TMED7: variants seen among roughly 807,000 people sequenced by gnomAD.
TMED7 encodes the protein transmembrane emp24 domain-containing protein 7.
TMED7 carries 8 observed loss-of-function variants against 23.4 expected under a neutral mutation model. The ratio of observed to expected loss-of-function variants is 0.34; its 90% CI spans 0.20 to 0.62. The LOEUF (loss-of-function observed/expected upper bound fraction) is 0.62. Among genes scored for constraint, TMED7 ranks in the 20% least tolerant of loss-of-function variants. The pLI is 0.77. For missense variants in TMED7, 232 were observed against 279.1 expected, an observed-to-expected ratio of 0.83 and a Z score of 1.20; for synonymous variants, 121 against 108.5, an observed-to-expected ratio of 1.12 and a Z score of -0.72.
At position 115,625,982 on chromosome 5, in the gene TMED7, C is replaced by A; in HGVS notation, c.-190G>T. The A allele has an allele frequency of 1.4e-6, 1 of 730,008 alleles. No homozygotes were observed. The highest frequency in any genetic ancestry group is 1.9e-6 in the Non-Finnish European group (1 of 523,672). The allele number at this position is 730,008 out of a possible 1,614,324, so 45.2% of individuals were successfully genotyped here. A position where few individuals can be genotyped will look rare whatever the true frequency, so the allele number is the denominator to read the frequency against. On this transcript the variant is annotated 5_prime_UTR_variant, in exon 1 of 3. Transcript: ENST00000456936. The stretch of plus-strand genomic sequence containing the variant: ...CCTGTGAGGGGCGCAGACGGGCGGA[C>A]CTGGGGAGGTAAAAGAGAAGCGGAA...
rs770987245 is a variant in TMED7 at position 115,616,272 on chromosome 5, C to T, written c.612G>A (p.Gln204=). ...ALILLVVSIG[Q]VFLLKSFFSD... is the part of the protein sequence containing the mutation. ...AGAAAAAGCTTTTCAAAAGAAATAC[C>T]TGCCCTATGCTAACCACCAGAAGAA... Residue 204 remains glutamine (Q), a synonymous_variant, in exon 3 of 3, where the codon CAG becomes CAA. Coordinates refer to ENST00000456936, the MANE Select transcript of TMED7 (RefSeq NM_181836.6). 9.9e-6 allele frequency: 16 copies of T among 1,613,954 alleles called. No homozygotes were observed. The African/African-American group carries it at 2.0e-4, about 20-fold the overall frequency.
At chr5:115,616,478 ATACT>A in intron 2 of TMED7, 33 bp from the exon 3 acceptor site, 2 of 1,613,454 alleles carry the variant, frequency 1.2e-6, no homozygotes, top group Non-Finnish European at 1.7e-6. Context: ...AGTATGTGTG[ATACT>A]TTCTGTAGAC....
rs1233034517 is a variant in TMED7, at chr5:115,615,279, T to G, written c.*930A>C. On this transcript the variant is annotated 3_prime_UTR_variant, in exon 3 of 3. Transcript: ENST00000456936. Reference sequence around the variant, plus strand: ...GCATCACATCCATGAGGATAAAATGTATGGCACTTATGTGTGAGACTAATA... The same window carrying G: ...GCATCACATCCATGAGGATAAAATGGATGGCACTTATGTGTGAGACTAATA... 6.6e-6 allele frequency: 1 copy of G among 152,570 alleles called. No individual in the cohort carries two copies. The highest frequency in any genetic ancestry group is 2.1e-4 in the South Asian group (1 of 4,838). 9.5% of individuals were successfully genotyped at this position (152,570 alleles called of 1,614,324 possible).
chr5:115,624,275 T>C (rs933169523), intron 1 of TMED7, among the ~76,000 whole-genome samples: 1 of 152,182 alleles, frequency 6.6e-6, no homozygotes, highest in African/African-American at 2.4e-5. Context: ...CTAAGGGTCA[T>C]CCTTGGCCTC....
chr5:115,623,416 A>G (rs1459697164), intron 1 of TMED7, among the ~76,000 whole-genome samples: 1 of 152,218 alleles, frequency 6.6e-6, no homozygotes, highest in African/African-American at 2.4e-5. Context: ...CAAATCATCA[A>G]TCTCATTGTT....
intron 2 of TMED7, among the ~76,000 whole-genome samples, chr5:115,618,435 A>G (rs1756879736): frequency 6.6e-6 from 1 of 152,234 alleles, no homozygotes; most frequent in Non-Finnish European, 1.5e-5. Context: ...GAATCCAAGT[A>G]AGGTTAACAC....
chr5:115,615,380 A>C lies in TMED7; in HGVS notation c.*829T>G, dbSNP rs189374525. 4.6e-5 allele frequency: 7 copies of C among 152,732 alleles called. No homozygotes were observed. Among genetic ancestry groups the C allele is most frequent in the Admixed American group, 4.6e-4 (7 of 15,298 alleles). 9.5% of individuals were successfully genotyped at this position (152,732 alleles called of 1,614,324 possible). On this transcript the variant is annotated 3_prime_UTR_variant, in exon 3 of 3. Coordinates refer to ENST00000456936, the MANE Select transcript of TMED7 (RefSeq NM_181836.6). ...ATAAGGGCAAGAGCTAGCCAATTAA[A>C]ATTTTAAAATTAAACATATCACCTT...
chr5:115,620,812 G>T, intron 1 of TMED7, 132 bp from the exon 2 acceptor site: 1 of 1,130,056 alleles, frequency 8.8e-7, no homozygotes, highest in Non-Finnish European at 1.1e-6. Flanking sequence ...ATTTTCACCA[G>T]TGGATGGAAC....
intron 1 of TMED7, among the ~76,000 whole-genome samples, chr5:115,624,160 T>C (rs1757125764): frequency 1.3e-5 from 2 of 152,150 alleles, no homozygotes; most frequent in South Asian, 2.1e-4. Context: ...ATCCAGGAAA[T>C]GTTTATTAAA....
intron 1 of TMED7, among the ~76,000 whole-genome samples, chr5:115,625,160 G>A (rs1369507192): frequency 5.9e-5 from 9 of 152,184 alleles, no homozygotes; most frequent in Non-Finnish European, 7.4e-5. Context: ...CTCTTCCAAT[G>A]ACAAGGACCG....
chr5:115,616,576 T>C (rs1210567216), intron 2 of TMED7, 131 bp from the exon 3 acceptor site: 4 of 1,342,908 alleles, frequency 3.0e-6, no homozygotes, highest in East Asian at 2.4e-5. Context: ...CATTCATTCA[T>C]ACATTTATGC....
In TMED7 at chr5:115,620,599, G is replaced by C. The variant is rs767776686; in HGVS notation, c.274C>G (p.Gln92Glu). ...GKVLYKEMKK[Q>E]YDSFTFTASK... ...GCTGTGAAGGTAAAACTATCATACT[G>C]TTTCTTCATCTCTTTGTATAACACT... Residue 92 changes from glutamine to glutamate, a missense_variant, in exon 2 of 3, where the codon CAG (glutamine) becomes GAG (glutamate). Gln to Glu is a conservative substitution (Grantham distance 29, BLOSUM62 2). Transcript: ENST00000456936. 1 of 1,602,156 alleles carries C rather than the reference G, an allele frequency of 6.2e-7. No individual in the cohort carries two copies.
chr5:115,613,997 T>A lies in TMED7; in HGVS notation c.*2212A>T, dbSNP rs1329776059. ...TATTCTGAGCCATTATGTTCAAACATAAATATCTGGGAAATTCAAACTGCT... is the reference window on the plus strand; with the variant it reads ...TATTCTGAGCCATTATGTTCAAACAAAAATATCTGGGAAATTCAAACTGCT... On this transcript the variant is annotated 3_prime_UTR_variant, in exon 3 of 3. Coordinates refer to ENST00000456936, the MANE Select transcript of TMED7 (RefSeq NM_181836.6). 6.6e-6 allele frequency: 1 copy of A among 152,498 alleles called. No individual in the cohort carries two copies. Among genetic ancestry groups the A allele is most frequent in the Non-Finnish European group, 1.5e-5 (1 of 67,946 alleles). The allele number at this position is 152,498 out of a possible 1,614,324, so 9.4% of individuals were successfully genotyped here.
In TMED7 at chr5:115,625,954, C is replaced by A. The variant is rs755465288; in HGVS notation, c.-162G>T. 1 of 1,061,070 alleles carries A rather than the reference C, an allele frequency of 9.4e-7. No homozygotes were observed. The highest frequency in any genetic ancestry group is 1.2e-6 in the Non-Finnish European group (1 of 822,776). 65.7% of individuals were successfully genotyped at this position (1,061,070 alleles called of 1,614,324 possible). On this transcript the variant is annotated 5_prime_UTR_variant, in exon 1 of 3. Coordinates refer to ENST00000456936, the MANE Select transcript of TMED7 (RefSeq NM_181836.6). ...ATTCGGGATCAGAGCGACCCTCCGG[C>A]TTCCTGTGAGGGGCGCAGACGGGCG...
At chr5:115,624,352 C>T (rs866083709) in intron 1 of TMED7, among the ~76,000 whole-genome samples, 1 of 152,066 alleles carries the variant, frequency 6.6e-6, no homozygotes, top group Non-Finnish European at 1.5e-5. Flanking sequence ...ACCTTCTCTC[C>T]AATCCTTTCA....
At position 115,625,907 on chromosome 5, in the gene TMED7, A is replaced by G. The variant is rs1267720475; in HGVS notation, c.-115T>C. The G allele has an allele frequency of 7.8e-7, 1 of 1,281,220 alleles. No individual in the cohort carries two copies. 79.4% of individuals were successfully genotyped at this position (1,281,220 alleles called of 1,614,324 possible). On this transcript the variant is annotated 5_prime_UTR_variant, in exon 1 of 3. Transcript: ENST00000456936. ...GCCACCCCGCAAAGATACACAGCAG[A>G]GCAGGTTCACGCCTGTGGGAGATTC...
At position 115,624,440 on chromosome 5, in the gene TMED7, A is replaced by C. The variant is rs539714389; in HGVS notation, c.192+1161T>G. On this transcript the variant is annotated intron_variant, in intron 1 of 2. Coordinates refer to ENST00000456936, the MANE Select transcript of TMED7 (RefSeq NM_181836.6). ...GTCTAGACCACCATAATAACCTCCT[A>C]ATCAGCCTTCCACATCCGCTCTGCA... Among the ~76,000 whole-genome samples, 86 of 152,146 alleles carry C rather than the reference A, an allele frequency of 5.7e-4. 1 individual carries two copies. The highest frequency in any genetic ancestry group is 1.6e-3 in the African/African-American group (67 of 41,496).
chr5:115,623,439 T>C (rs1416931895), intron 1 of TMED7, among the ~76,000 whole-genome samples: 4 of 152,180 alleles, frequency 2.6e-5, no homozygotes, highest in Non-Finnish European at 5.9e-5. Flanking sequence ...CAATAAATAA[T>C]GTTGACAAAC....
intron 1 of TMED7, among the ~76,000 whole-genome samples, chr5:115,625,188 A>G (rs145992292): frequency 2.4e-3 from 373 of 152,354 alleles, no homozygotes; most frequent in Non-Finnish European, 4.2e-3. Context: ...CAACAGTCCT[A>G]ATATTGGTAA....
Sources: allele counts gnomAD v4.1 joint callset (sites outside exome capture counted in the v4.1 genomes callset), GRCh38; gene constraint gnomAD v4.1.1; transcripts MANE v1.5; gene names NCBI Gene and HGNC (gene_info 2026-07-23, HGNC 2026-07-21).